HSD17B3: variants seen among roughly 807,000 people sequenced by gnomAD.
The protein encoded by HSD17B3 is hydroxysteroid 17-beta dehydrogenase 3.
A neutral mutation model predicts 41.1 loss-of-function variants in HSD17B3; 29 were observed. The observed-to-expected ratio is 0.71, with a 90% CI of 0.53 to 0.96. HSD17B3 has a LOEUF of 0.96. Ranked by LOEUF, HSD17B3 falls within the 40% of genes least tolerant of loss-of-function variation. The probability of loss-of-function intolerance (pLI) is 0.00; values close to 1 mark genes in which losing one functional copy is unlikely to be tolerated. For synonymous variants in HSD17B3, 126 were observed against 145.6 expected (o/e 0.87, Z 0.97); for missense variants, 323 against 374.6 (o/e 0.86, Z 1.14).
chr9:96,236,643 T>G (rs1019317998), intron 10 of HSD17B3, among the ~76,000 whole-genome samples: 2 of 152,144 alleles, frequency 1.3e-5, no homozygotes, highest in Admixed American at 6.5e-5. Flanking sequence ...ACGTGAAGCC[T>G]GGATGAATGG....
intron 2 of HSD17B3, among the ~76,000 whole-genome samples, chr9:96,294,589 T>C (rs1225857770): frequency 6.6e-6 from 1 of 152,256 alleles, no homozygotes; most frequent in African/African-American, 2.4e-5. Context: ...GAAAAGATTC[T>C]GGAGAATCGT....
At chr9:96,235,593 TG>T (rs779069763) in intron 10 of HSD17B3, 23 bp from the exon 11 acceptor site, 1 of 1,588,964 alleles carries the variant, frequency 6.3e-7, no homozygotes, top group Non-Finnish European at 8.6e-7. Context: ...GAAGCATCAG[TG>T]TTGGGGAGGA....
At chr9:96,291,766 G>A (rs1418208544) in intron 2 of HSD17B3, among the ~76,000 whole-genome samples, 1 of 152,096 alleles carries the variant, frequency 6.6e-6, no homozygotes, top group Non-Finnish European at 1.5e-5. Context: ...AGACCAGCCT[G>A]GCCAACGAGG....
At chr9:96,288,955 A>T (rs1827040089) in intron 2 of HSD17B3, among the ~76,000 whole-genome samples, 9 of 151,430 alleles carry the variant, frequency 5.9e-5, no homozygotes, top group Admixed American at 5.9e-4. Context: ...AAAAAAAATT[A>T]AAAAATTAGC....
rs2130730164 is a variant in HSD17B3, at chr9:96,252,854, T to C, written c.334A>G (p.Ile112Val). 1 of 1,613,794 alleles carries C rather than the reference T, an allele frequency of 6.2e-7. No individual in the cohort carries two copies. The highest frequency in any genetic ancestry group is 1.1e-5 in the South Asian group (1 of 91,074). ...IIQADFTKDDIYEHIKEKLAG... is the reference protein window; with the variant it reads ...IIQADFTKDDVYEHIKEKLAG... ...AGTTTTTCTTTAATATGCTCGTAGA[T>C]GTCATCTTTTGTAAAATCTGCTTGT... Residue 112 changes from isoleucine (I) to valine (V), a missense_variant, in exon 4 of 11, where the codon ATC becomes GTC. Ile to Val is a conservative substitution (Grantham distance 29). Coordinates refer to ENST00000375263, the MANE Select transcript of HSD17B3 (RefSeq NM_000197.2).
intron 2 of HSD17B3, among the ~76,000 whole-genome samples, chr9:96,297,030 CAA>C (rs112810399): frequency 5.9e-5 from 7 of 118,980 alleles, no homozygotes; most frequent in African/African-American, 1.2e-4. Flanking sequence ...GCAAGTGTCT[CAA>C]AAAAAAAAAA....
intron 6 of HSD17B3, 42 bp from the exon 7 acceptor site, chr9:96,246,632 T>C (rs760286534): frequency 2.5e-6 from 4 of 1,591,866 alleles, no homozygotes; most frequent in Non-Finnish European, 3.4e-6. Flanking sequence ...AGGAACTAAG[T>C]AGCAGTGCAA....
chr9:96,276,105 C>CATAA (rs1826443261), intron 2 of HSD17B3, among the ~76,000 whole-genome samples: 2 of 25,052 alleles, frequency 8.0e-5, no homozygotes, highest in Non-Finnish European at 1.4e-4. Flanking sequence ...GATCCTGTCT[C>CATAA]ATAAAAAAAA....
At chr9:96,286,308 C>T (rs570603770) in intron 2 of HSD17B3, among the ~76,000 whole-genome samples, 14 of 151,860 alleles carry the variant, frequency 9.2e-5, no homozygotes, top group Middle Eastern at 3.4e-3. Context: ...CACACCACTG[C>T]GCTCTAGCCT....
intron 3 of HSD17B3, among the ~76,000 whole-genome samples, chr9:96,254,233 G>A (rs1825539631): frequency 6.6e-6 from 1 of 152,034 alleles, no homozygotes; most frequent in South Asian, 2.1e-4. Context: ...TGATGATCCT[G>A]GATCAAAACT....
intron 10 of HSD17B3, among the ~76,000 whole-genome samples, chr9:96,238,488 C>T (rs1449774021): frequency 6.6e-6 from 1 of 152,136 alleles, no homozygotes; most frequent in East Asian, 1.9e-4. Context: ...ATGGTGAAAC[C>T]CTGTCTCCAC....
chr9:96,249,517 CA>C, intron 6 of HSD17B3: 2 of 582,218 alleles, frequency 3.4e-6, no homozygotes, highest in South Asian at 4.2e-5. Context: ...CAACGTGTGA[CA>C]AAACTGAAAG....
chr9:96,291,670 C>T (rs1827164109), intron 2 of HSD17B3, among the ~76,000 whole-genome samples: 1 of 152,134 alleles, frequency 6.6e-6, no homozygotes, highest in Non-Finnish European at 1.5e-5. Flanking sequence ...AAAAATGCTT[C>T]AGTAGGCTGG....
intron 10 of HSD17B3, among the ~76,000 whole-genome samples, 198 bp from the exon 11 acceptor site, chr9:96,235,768 T>C (rs1836212929): frequency 6.6e-6 from 1 of 152,230 alleles, no homozygotes; most frequent in Admixed American, 6.5e-5. Context: ...TAGCCAGTCC[T>C]TTTAAACTCC....
intron 2 of HSD17B3, among the ~76,000 whole-genome samples, chr9:96,263,665 C>A (rs144781500): frequency 0.017 from 2,562 of 151,968 alleles, 66 homozygotes; most frequent in African/African-American, 0.058. Context: ...GGAGGCAGAG[C>A]TTGCAGTGAG....
chr9:96,270,679 C>T (rs989959030), intron 2 of HSD17B3, among the ~76,000 whole-genome samples: 1 of 152,218 alleles, frequency 6.6e-6, no homozygotes, highest in African/African-American at 2.4e-5. Context: ...TTATCGGGAA[C>T]ACTGTCTTCA....
intron 7 of HSD17B3, among the ~76,000 whole-genome samples, chr9:96,246,115 T>C (rs1284919279): frequency 6.6e-6 from 1 of 152,170 alleles, no homozygotes; most frequent in Non-Finnish European, 1.5e-5. Flanking sequence ...CAAATGGGCA[T>C]TGGAATAGGG....
intron 2 of HSD17B3, among the ~76,000 whole-genome samples, chr9:96,256,552 T>G (rs1236676576): frequency 1.3e-5 from 2 of 152,128 alleles, no homozygotes; most frequent in Non-Finnish European, 2.9e-5. Context: ...ACGCCTGTGA[T>G]CCTAGCTACT....
intron 2 of HSD17B3, among the ~76,000 whole-genome samples, chr9:96,270,119 T>A (rs1021376430): frequency 6.6e-6 from 1 of 152,136 alleles, no homozygotes; most frequent in African/African-American, 2.4e-5. Context: ...TACAGGCAGC[T>A]TCAAGGACAC....
Sources: gnomAD v4.1 joint callset for allele counts (sites outside exome capture counted in the v4.1 genomes callset) on GRCh38, gnomAD v4.1.1 for gene constraint, MANE v1.5 for transcripts, NCBI Gene and HGNC (gene_info 2026-07-23, HGNC 2026-07-21) for gene names.